Variants in USP28 observed in about 807,000 individuals in gnomAD.
USP28 encodes the protein ubiquitin carboxyl-terminal hydrolase 28.
USP28 carries 113 observed loss-of-function variants against 145.0 expected under a neutral mutation model. The observed-to-expected ratio is 0.78, with a 90% CI of 0.67 to 0.91. The LOEUF is 0.91. Among genes scored for constraint, USP28 ranks in the 40% least tolerant of loss-of-function variants. The pLI is 0.00. For missense variants in USP28, 1,201 were observed against 1,289.6 expected, an observed-to-expected ratio of 0.93 and a Z score of 1.05; for synonymous variants, 447 against 450.9, an observed-to-expected ratio of 0.99 and a Z score of 0.11.
chr11:113,832,174 A>C (rs987112712), intron 7 of USP28, among the ~76,000 whole-genome samples, 181 bp from the exon 8 acceptor site: 3 of 151,938 alleles, frequency 2.0e-5, no homozygotes, highest in Non-Finnish European at 4.4e-5. Context: ...CAGTGGCGCG[A>C]TCTCAGCTCA....
chr11:113,833,116 A>T (rs2135989901), intron 7 of USP28, among the ~76,000 whole-genome samples: 1 of 152,334 alleles, frequency 6.6e-6, no homozygotes, highest in East Asian at 1.9e-4. Context: ...GTTACAGCTC[A>T]TTGAGGTATT....
intron 1 of USP28, among the ~76,000 whole-genome samples, chr11:113,855,179 T>A (rs1288437726): frequency 1.3e-5 from 2 of 152,238 alleles, no homozygotes; most frequent in African/African-American, 4.8e-5. Flanking sequence ...GTATAAAGTA[T>A]GAAATGTTTT....
At chr11:113,830,303 TTA>T (rs1354778933) in intron 9 of USP28, among the ~76,000 whole-genome samples, 3 of 152,148 alleles carry the variant, frequency 2.0e-5, no homozygotes, top group Non-Finnish European at 2.9e-5. Context: ...TGGTATTGGG[TTA>T]TGTTTTAAAA....
intron 1 of USP28, among the ~76,000 whole-genome samples, chr11:113,866,737 G>A (rs1053294545): frequency 1.3e-5 from 2 of 152,188 alleles, no homozygotes; most frequent in Admixed American, 6.5e-5. Context: ...AAAACAGTCT[G>A]GCAGTTCCTC....
At chr11:113,853,385 G>A (rs1297713331) in intron 2 of USP28, among the ~76,000 whole-genome samples, 2 of 150,124 alleles carry the variant, frequency 1.3e-5, no homozygotes, top group African/African-American at 4.9e-5. Flanking sequence ...TGTTTTATGA[G>A]GAAACATTTC....
rs71063527 is a variant in USP28 at position 113,826,337 on chromosome 11, A to ATTTTT, written c.1187+891_1187+895dup. ...AAAAGAAAATCAAGCCACCACACCC[A>ATTTTT]TTTTTTTTTTTTTTTTTTTTTTTTT... On this transcript the variant is annotated intron_variant, in intron 11 of 24. Transcript: ENST00000003302. Among the ~76,000 whole-genome samples the ATTTTT allele has an allele frequency of 1.8e-4, 9 of 50,736 alleles. 1 individual carries two copies. Among genetic ancestry groups the ATTTTT allele is most frequent in the Non-Finnish European group, 2.7e-4 (8 of 29,890 alleles). The allele number at this position is 50,736 out of a possible 152,430, so 33.3% of individuals were successfully genotyped here.
intron 8 of USP28, 150 bp downstream of exon 8, chr11:113,831,770 G>T: frequency 3.6e-6 from 2 of 560,412 alleles, no homozygotes; most frequent in Non-Finnish European, 3.0e-6. Flanking sequence ...AGGCGACAGG[G>T]ATACATGATG....
intron 1 of USP28, among the ~76,000 whole-genome samples, chr11:113,861,507 A>C (rs532259230): frequency 2.6e-5 from 4 of 152,362 alleles, no homozygotes; most frequent in African/African-American, 9.6e-5. Flanking sequence ...TAGAGGGGTT[A>C]AAACTGGGAC....
intron 12 of USP28, among the ~76,000 whole-genome samples, chr11:113,819,176 G>A (rs984978607): frequency 9.9e-5 from 15 of 150,938 alleles, no homozygotes; most frequent in African/African-American, 2.4e-4. Flanking sequence ...GCAGCGGCAC[G>A]ATCTCGGCTT....
intron 1 of USP28, among the ~76,000 whole-genome samples, chr11:113,872,854 C>G (rs1400996787): frequency 1.3e-5 from 2 of 152,256 alleles, no homozygotes; most frequent in East Asian, 3.9e-4. Context: ...TTTAGATATT[C>G]GAATACCAGT....
At chr11:113,800,344 C>A (rs777169132) in intron 24 of USP28, among the ~76,000 whole-genome samples, 1 of 151,940 alleles carries the variant, frequency 6.6e-6, no homozygotes, top group Non-Finnish European at 1.5e-5. Context: ...GGGTCTCACT[C>A]CAAGCTGGAG....
intron 10 of USP28, among the ~76,000 whole-genome samples, chr11:113,828,440 T>C (rs1014224139): frequency 6.6e-6 from 1 of 152,234 alleles, no homozygotes; most frequent in Non-Finnish European, 1.5e-5. Flanking sequence ...AGCAGCTCTC[T>C]GAGTTCCAAC....
At chr11:113,832,165 A>G (rs1175895253) in intron 7 of USP28, among the ~76,000 whole-genome samples, 172 bp from the exon 8 acceptor site, 1 of 152,004 alleles carries the variant, frequency 6.6e-6, no homozygotes, top group Non-Finnish European at 1.5e-5. Context: ...ACTGGAGTGC[A>G]GTGGCGCGAT....
intron 22 of USP28, among the ~76,000 whole-genome samples, 178 bp from the exon 24 acceptor site, chr11:113,803,459 A>G (rs1939407527): frequency 6.6e-6 from 1 of 152,206 alleles, no homozygotes; most frequent in East Asian, 1.9e-4. Flanking sequence ...CAAAGCAAAT[A>G]TGAAACTTCC....
At chr11:113,800,099 G>T (rs1342198329) in intron 24 of USP28, among the ~76,000 whole-genome samples, 1 of 151,232 alleles carries the variant, frequency 6.6e-6, no homozygotes, top group Admixed American at 6.6e-5. Context: ...TCCGCCTCCC[G>T]GGTTCACGCC....
chr11:113,837,247 T>C (rs971765852), intron 5 of USP28, among the ~76,000 whole-genome samples: 2 of 152,260 alleles, frequency 1.3e-5, no homozygotes, highest in Admixed American at 6.5e-5. Context: ...GTGGGCACAG[T>C]TGTCTTTGTT....
chr11:113,862,871 A>C (rs1335548388), intron 1 of USP28, among the ~76,000 whole-genome samples: 1 of 152,228 alleles, frequency 6.6e-6, no homozygotes, highest in East Asian at 1.9e-4. Context: ...AAAACTAGGA[A>C]TAAAAGGTAA....
At chr11:113,854,901 A>G (rs1946878629) in intron 1 of USP28, among the ~76,000 whole-genome samples, 1 of 152,250 alleles carries the variant, frequency 6.6e-6, no homozygotes, top group South Asian at 2.1e-4. Flanking sequence ...CTTAATGGAC[A>G]CTTAAAAGTT....
chr11:113,805,197 G>A (rs1939732734), intron 19 of USP28, 151 bp from the exon 21 acceptor site: 2 of 712,382 alleles, frequency 2.8e-6, no homozygotes, highest in Non-Finnish European at 2.2e-6. Context: ...GAATTTTTAA[G>A]TTTCTTGCAT....
Sources: allele counts gnomAD v4.1 joint callset (sites outside exome capture counted in the v4.1 genomes callset), GRCh38; gene constraint gnomAD v4.1.1; transcripts MANE v1.5; gene names NCBI Gene and HGNC (gene_info 2026-07-23, HGNC 2026-07-21).